Variants in PACS1 observed in about 807,000 individuals in gnomAD.
PACS1 encodes the protein phosphofurin acidic cluster sorting protein 1.
PACS1 carries 24 observed loss-of-function variants against 115.0 expected under a neutral mutation model. The observed-to-expected ratio is 0.21, with a 90% CI of 0.15 to 0.29. PACS1 has a LOEUF of 0.29. Among genes scored for constraint, PACS1 ranks in the 10% least tolerant of loss-of-function variants. The probability of loss-of-function intolerance (pLI) is 1.00; values close to 1 mark genes in which losing one functional copy is unlikely to be tolerated. For missense variants in PACS1, 838 were observed against 1,251.2 expected, an observed-to-expected ratio of 0.67 and a Z score of 4.98; for synonymous variants, 453 against 504.5, an observed-to-expected ratio of 0.90 and a Z score of 1.37.
At chr11:66,156,326 C>A (rs2134618027) in intron 1 of PACS1, among the ~76,000 whole-genome samples, 1 of 145,412 alleles carries the variant, frequency 6.9e-6, no homozygotes, top group Admixed American at 6.9e-5. Context: ...GATCTCGGCT[C>A]ACTGCAACTT....
intron 2 of PACS1, among the ~76,000 whole-genome samples, chr11:66,209,898 C>T (rs527731334): frequency 1.3e-5 from 2 of 151,188 alleles, no homozygotes; most frequent in Non-Finnish European, 2.9e-5. Flanking sequence ...GAATGAGACT[C>T]GTCTCAAAAA....
At chr11:66,193,685 C>T in intron 2 of PACS1, 112 bp downstream of exon 2, 2 of 693,112 alleles carry the variant, frequency 2.9e-6, no homozygotes, top group Non-Finnish European at 5.1e-6. Context: ...CTCCTCTCAG[C>T]ACAGCAAGGT....
chr11:66,154,314 C>T (rs1342065088), intron 1 of PACS1, among the ~76,000 whole-genome samples: 1 of 152,030 alleles, frequency 6.6e-6, no homozygotes, highest in African/African-American at 2.4e-5. Context: ...TGGTGCACAC[C>T]TGTAGTCCTA....
At chr11:66,186,479 G>A (rs903727422) in intron 1 of PACS1, among the ~76,000 whole-genome samples, 11 of 152,008 alleles carry the variant, frequency 7.2e-5, no homozygotes, top group East Asian at 1.9e-4. Context: ...AGCCCTCCCC[G>A]CTCTCCTCTG....
intron 1 of PACS1, among the ~76,000 whole-genome samples, chr11:66,112,382 A>G (rs1328913231): frequency 6.6e-6 from 1 of 152,164 alleles, no homozygotes; most frequent in Non-Finnish European, 1.5e-5. Flanking sequence ...GTTCTTGGAA[A>G]TGCTTGGATG....
chr11:66,233,996 C>A lies in PACS1; in HGVS notation c.1993+57C>A. The A allele has an allele frequency of 6.4e-7, 1 of 1,567,846 alleles. No individual in the cohort carries two copies. Among genetic ancestry groups the A allele is most frequent in the Non-Finnish European group, 8.7e-7 (1 of 1,151,492 alleles). ...GCATGAGGGTTCCATAGACAGATGC[C>A]TCATCTGGAACAGGACGGTGGGGTT... On this transcript the variant is annotated intron_variant, in intron 16 of 23. Coordinates refer to ENST00000320580, the MANE Select transcript of PACS1 (RefSeq NM_018026.4). This position sits in a 1 kb window ranked among gnomAD's most constrained non-coding sequence, Gnocchi z 4.5.
intron 1 of PACS1, among the ~76,000 whole-genome samples, chr11:66,129,727 C>G (rs991131341): frequency 4.6e-5 from 7 of 152,032 alleles, no homozygotes; most frequent in Admixed American, 1.3e-4. Context: ...CTTTATTTTT[C>G]CCTTCACCTC....
At chr11:66,149,090 CT>C (rs10717909) in intron 1 of PACS1, among the ~76,000 whole-genome samples, 54,726 of 98,084 alleles carry the variant, frequency 0.56, 13,683 homozygotes, top group Admixed American at 0.64. Context: ...TGCACACGCA[CT>C]TTTTTTTTTT....
intron 1 of PACS1, among the ~76,000 whole-genome samples, chr11:66,113,574 G>A (rs1347057441): frequency 6.6e-6 from 1 of 152,332 alleles, no homozygotes; most frequent in African/African-American, 2.4e-5. Context: ...TTGACAAGAA[G>A]ACATAAGAGT....
rs1430740584 is a variant in PACS1, at chr11:66,236,334, T to C, written c.2250+394T>C. On this transcript the variant is annotated intron_variant, in intron 19 of 23. Transcript: ENST00000320580. The surrounding 1 kb of genome is among the most constrained non-coding windows in gnomAD (Gnocchi z 4.2). ...GTCTCCTGTTTATTACACCAGGCCC[T>C]GACCTCGCTGCCTTCACCCGGGGAG... 6.6e-6 allele frequency among the ~76,000 whole-genome samples: 1 copy of C among 152,214 alleles called. No homozygotes were observed. The highest frequency in any genetic ancestry group is 1.5e-5 in the Non-Finnish European group (1 of 68,020).
intron 7 of PACS1, chr11:66,217,956 G>A (rs896844823): frequency 5.9e-5 from 13 of 219,898 alleles, no homozygotes; most frequent in Non-Finnish European, 1.0e-4. Flanking sequence ...CCTGGCACAT[G>A]ACTGGAGTTC....
At chr11:66,220,819 C>T in intron 9 of PACS1, 28 bp downstream of exon 9, 4 of 1,608,422 alleles carry the variant, frequency 2.5e-6, no homozygotes, top group Non-Finnish European at 2.5e-6. Context: ...TAGCTGGCCT[C>T]CAGACTCTCC....
At chr11:66,110,621 G>A (rs896284417) in intron 1 of PACS1, among the ~76,000 whole-genome samples, 5 of 152,084 alleles carry the variant, frequency 3.3e-5, no homozygotes, top group East Asian at 1.9e-4. Context: ...TGCCCAGGCC[G>A]GAGTGCAGTG....
At chr11:66,120,277 G>A (rs1398207447) in intron 1 of PACS1, among the ~76,000 whole-genome samples, 12 of 150,744 alleles carry the variant, frequency 8.0e-5, no homozygotes, top group Non-Finnish European at 1.8e-4. Context: ...TGTATTTTTA[G>A]TAGAGATGGG....
rs773415096 is a variant in PACS1, at chr11:66,216,143, G to T, written c.685G>T (p.Ala229Ser). 1.2e-6 allele frequency: 2 copies of T among 1,613,878 alleles called. No individual in the cohort carries two copies. Among genetic ancestry groups the T allele is most frequent in the East Asian group, 4.5e-5 (2 of 44,876 alleles). ...AEVMQHPNEG[A>S]LVLGLHSNVK... The stretch of plus-strand genomic sequence containing the variant: ...GGTGATGCAGCATCCTAATGAAGGC[G>T]CACTGGTGCTTGGCCTACACAGCAA... Residue 229 changes from alanine (A) to serine (S), a missense_variant, in exon 5 of 24, where the codon GCA becomes TCA. Physicochemically the swap from Ala to Ser is moderately conservative, Grantham distance 99 (BLOSUM62 1). Coordinates refer to ENST00000320580, the MANE Select transcript of PACS1 (RefSeq NM_018026.4).
At chr11:66,152,189 G>A (rs925847292) in intron 1 of PACS1, among the ~76,000 whole-genome samples, 4 of 152,106 alleles carry the variant, frequency 2.6e-5, no homozygotes, top group South Asian at 2.1e-4. Context: ...AGCTGTGATC[G>A]TGCCACTGCA....
intron 1 of PACS1, among the ~76,000 whole-genome samples, chr11:66,116,837 C>T (rs1858317415): frequency 6.7e-6 from 1 of 149,998 alleles, no homozygotes; most frequent in South Asian, 2.3e-4. Flanking sequence ...TTGCAGTGAG[C>T]TAAGATCGTG....
rs538990110 is a variant in PACS1, at chr11:66,156,255, G to GT, written c.357-37218dup. ...ATATATATATATATATATATATATAGTTTTTTTTTTTTTAAGACAGAGTCT... is the reference window on the plus strand; with the variant it reads ...ATATATATATATATATATATATATAGTTTTTTTTTTTTTTAAGACAGAGTCT... On this transcript the variant is annotated intron_variant, in intron 1 of 23. Coordinates refer to ENST00000320580, the MANE Select transcript of PACS1 (RefSeq NM_018026.4). 2.2e-3 allele frequency among the ~76,000 whole-genome samples: 153 copies of GT among 69,580 alleles called. 2 individuals are homozygous for GT. Among genetic ancestry groups the GT allele is most frequent in the South Asian group, 3.4e-3 (5 of 1,468 alleles). The allele number at this position is 69,580 out of a possible 152,430, so 45.6% of individuals were successfully genotyped here.
intron 2 of PACS1, among the ~76,000 whole-genome samples, chr11:66,198,417 T>C (rs1357117448): frequency 1.3e-5 from 2 of 152,242 alleles, no homozygotes; most frequent in Admixed American, 1.3e-4. Flanking sequence ...TTCGGAATAC[T>C]ATTTGGCAAT....
Sources: gnomAD v4.1 joint callset for allele counts (sites outside exome capture counted in the v4.1 genomes callset) on GRCh38, gnomAD v4.1.1 for gene constraint, Gnocchi (gnomAD v3.1) non-coding constraint, MANE v1.5 for transcripts, NCBI Gene and HGNC (gene_info 2026-07-23, HGNC 2026-07-21) for gene names.